C3orf70: variants seen among roughly 807,000 people sequenced by gnomAD.
The protein encoded by C3orf70 is chromosome 3 open reading frame 70.
A neutral mutation model predicts 20.7 loss-of-function variants in C3orf70; 15 were observed. The ratio of observed to expected loss-of-function variants is 0.72; its 90% CI spans 0.48 to 1.11. The LOEUF is 1.11. Among genes scored for constraint, C3orf70 ranks in the 50% most tolerant of loss-of-function variants. The probability of loss-of-function intolerance (pLI) is 0.00; values close to 1 mark genes in which losing one functional copy is unlikely to be tolerated. For synonymous variants in C3orf70, 161 were observed against 125.7 expected, an observed-to-expected ratio of 1.28 and a Z score of -1.88; for missense variants, 332 against 317.6, an observed-to-expected ratio of 1.05 and a Z score of -0.34.
chr3:185,096,649 AGT>A (rs1227110507), intron 1 of C3orf70, among the ~76,000 whole-genome samples: 1 of 152,178 alleles, frequency 6.6e-6, no homozygotes, highest in African/African-American at 2.4e-5. Context: ...GGCTGCTGAC[AGT>A]GTGAAGGGTC....
intron 1 of C3orf70, among the ~76,000 whole-genome samples, chr3:185,093,902 G>C (rs898875621): frequency 6.6e-6 from 1 of 151,826 alleles, no homozygotes; most frequent in Non-Finnish European, 1.5e-5. Context: ...CAGGGGATTG[G>C]TTCGAGGACC....
intron 1 of C3orf70, among the ~76,000 whole-genome samples, chr3:185,126,509 A>G (rs573672722): frequency 6.6e-6 from 1 of 152,202 alleles, no homozygotes; most frequent in Non-Finnish European, 1.5e-5. Flanking sequence ...TCTAGATACA[A>G]GCAGCCAGGA....
intron 1 of C3orf70, among the ~76,000 whole-genome samples, chr3:185,132,940 A>G (rs1459548962): frequency 6.6e-6 from 1 of 152,228 alleles, no homozygotes; most frequent in East Asian, 1.9e-4. Context: ...AGGAATGACA[A>G]CTGACAGCTG....
intron 1 of C3orf70, among the ~76,000 whole-genome samples, chr3:185,086,929 T>C (rs1457330169): frequency 6.6e-6 from 1 of 152,198 alleles, no homozygotes; most frequent in Non-Finnish European, 1.5e-5. Context: ...CTCAAAGATA[T>C]AGTTTTATAG....
chr3:185,080,576 G>C lies in C3orf70; in HGVS notation c.*2431C>G, dbSNP rs1454561134. 1 of 152,772 alleles carries C rather than the reference G, an allele frequency of 6.5e-6. No individual in the cohort carries two copies. The highest frequency in any genetic ancestry group is 1.5e-5 in the Non-Finnish European group (1 of 68,150). The allele number at this position is 152,772 out of a possible 1,614,324, so 9.5% of individuals were successfully genotyped here. ...TGGAGAACGGGCTCACCCACAGGGTGAATCTAGACAGGGCCCTGGTGTTGC... is the reference window on the plus strand; with the variant it reads ...TGGAGAACGGGCTCACCCACAGGGTCAATCTAGACAGGGCCCTGGTGTTGC... On this transcript the variant is annotated 3_prime_UTR_variant, in exon 2 of 2. Transcript: ENST00000335012.
At chr3:185,144,459 C>T (rs987022605) in intron 1 of C3orf70, among the ~76,000 whole-genome samples, 8 of 152,050 alleles carry the variant, frequency 5.3e-5, no homozygotes, top group African/African-American at 1.9e-4. Context: ...ACTTTGCTTG[C>T]AATATATTGT....
chr3:185,110,863 A>G (rs1009109581), intron 1 of C3orf70, among the ~76,000 whole-genome samples: 2 of 152,352 alleles, frequency 1.3e-5, no homozygotes, highest in East Asian at 3.9e-4. Flanking sequence ...TTTAATATCT[A>G]TAGAAACAAT....
chr3:185,109,582 A>G (rs766744321), intron 1 of C3orf70, among the ~76,000 whole-genome samples: 3 of 152,200 alleles, frequency 2.0e-5, no homozygotes, highest in Non-Finnish European at 4.4e-5. Flanking sequence ...AAACCGGAGG[A>G]AAGGGGGACA....
intron 1 of C3orf70, among the ~76,000 whole-genome samples, chr3:185,092,155 G>A (rs1715605240): frequency 6.6e-6 from 1 of 151,526 alleles, no homozygotes; most frequent in Admixed American, 6.6e-5. Context: ...TAGTAAAAGT[G>A]ATTAATGATA....
chr3:185,078,026 G>C lies in C3orf70; in HGVS notation c.*4981C>G, dbSNP rs1715235493. On this transcript the variant is annotated 3_prime_UTR_variant, in exon 2 of 2. Coordinates refer to ENST00000335012, the MANE Select transcript of C3orf70 (RefSeq NM_001025266.3). ...ACGTGAGTTTTGGTTTTGGGGTTGG[G>C]TACACTCCAAAACAGCAGATTTGTT... 6.6e-6 allele frequency: 1 copy of C among 152,030 alleles called. No homozygotes were observed. The highest frequency in any genetic ancestry group is 6.6e-5 in the Admixed American group (1 of 15,238). 9.4% of individuals were successfully genotyped at this position (152,030 alleles called of 1,614,324 possible). A position where few individuals can be genotyped will look rare whatever the true frequency, so the allele number is the denominator to read the frequency against.
intron 1 of C3orf70, among the ~76,000 whole-genome samples, chr3:185,111,152 T>C (rs7619952): frequency 0.94 from 143,187 of 152,300 alleles, 67,343 homozygotes; most frequent in Non-Finnish European, 0.95. Flanking sequence ...ACTATAAATT[T>C]TTAGAAGAAT....
chr3:185,118,955 T>C (rs1716237502), intron 1 of C3orf70, among the ~76,000 whole-genome samples: 1 of 152,216 alleles, frequency 6.6e-6, no homozygotes, highest in South Asian at 2.1e-4. Context: ...ACGATGGTAA[T>C]GATGTCTGTA....
At chr3:185,089,402 C>G (rs1306216058) in intron 1 of C3orf70, among the ~76,000 whole-genome samples, 3 of 152,182 alleles carry the variant, frequency 2.0e-5, no homozygotes, top group African/African-American at 7.2e-5. Flanking sequence ...CCATCCTTGA[C>G]TGAAGACTTC....
chr3:185,110,003 G>A (rs566578925), intron 1 of C3orf70, among the ~76,000 whole-genome samples: 20 of 152,234 alleles, frequency 1.3e-4, no homozygotes, highest in African/African-American at 4.1e-4. Context: ...TGCATGCCAC[G>A]GCCACACTAT....
intron 1 of C3orf70, among the ~76,000 whole-genome samples, chr3:185,143,416 G>C (rs1716796847): frequency 6.6e-6 from 1 of 152,140 alleles, no homozygotes; most frequent in African/African-American, 2.4e-5. Context: ...AAGTACATCT[G>C]TATTACACCA....
intron 1 of C3orf70, among the ~76,000 whole-genome samples, chr3:185,090,212 G>A (rs1715537495): frequency 6.6e-6 from 1 of 152,134 alleles, no homozygotes; most frequent in African/African-American, 2.4e-5. Context: ...TAATTACATA[G>A]CAGATATAAT....
intron 1 of C3orf70, among the ~76,000 whole-genome samples, chr3:185,113,344 G>C (rs1202058724): frequency 6.7e-6 from 1 of 149,570 alleles, no homozygotes; most frequent in Non-Finnish European, 1.5e-5. Context: ...GACTTGTAAA[G>C]AACTAACTGT....
At chr3:185,094,850 A>G (rs372163164) in intron 1 of C3orf70, among the ~76,000 whole-genome samples, 2 of 152,144 alleles carry the variant, frequency 1.3e-5, no homozygotes, top group East Asian at 3.9e-4. Context: ...TCTCACAAGG[A>G]GAGGTCACTG....
intron 1 of C3orf70, among the ~76,000 whole-genome samples, chr3:185,089,564 T>G (rs1715522843): frequency 6.6e-6 from 1 of 152,208 alleles, no homozygotes; most frequent in Admixed American, 6.5e-5. Flanking sequence ...CTTAGTTTGC[T>G]AATGACTCAT....
Sources: gnomAD v4.1 joint callset for allele counts (sites outside exome capture counted in the v4.1 genomes callset) on GRCh38, gnomAD v4.1.1 for gene constraint, MANE v1.5 for transcripts, NCBI Gene and HGNC (gene_info 2026-07-23, HGNC 2026-07-21) for gene names.